Variants in ITGA9 observed in about 807,000 individuals in gnomAD.
The protein encoded by ITGA9 is integrin subunit alpha 9.
In ITGA9, 56 loss-of-function variants were observed where a neutral mutation model predicts 127.8. The ratio of observed to expected loss-of-function variants is 0.44; its 90% CI spans 0.35 to 0.55. The LOEUF (loss-of-function observed/expected upper bound fraction) is 0.55. Ranked by LOEUF, ITGA9 falls within the 20% of genes least tolerant of loss-of-function variation. ITGA9 has a pLI of 0.00. For missense variants in ITGA9, 1,196 were observed against 1,347.1 expected, an observed-to-expected ratio of 0.89 and a Z score of 1.76; for synonymous variants, 508 against 514.5, an observed-to-expected ratio of 0.99 and a Z score of 0.17.
Position 37,822,490 on chromosome 3 carries a change from T to TC in ITGA9, c.*3503dup, listed in dbSNP as rs1202851470. ...TTAGTGGCAACTGACAGGCATCCATTCCGAATAACTCAGCACTGAGGTTTC... is the reference window on the plus strand; with the variant it reads ...TTAGTGGCAACTGACAGGCATCCATTCCCGAATAACTCAGCACTGAGGTTTC... On this transcript the variant is annotated 3_prime_UTR_variant, in exon 28 of 28. Transcript: ENST00000264741. 1 of 152,166 alleles carries TC rather than the reference T, an allele frequency of 6.6e-6. No homozygotes were observed. The highest frequency in any genetic ancestry group is 1.5e-5 in the Non-Finnish European group (1 of 68,030). 9.4% of individuals were successfully genotyped at this position (152,166 alleles called of 1,614,324 possible).
chr3:37,569,957 C>G lies in ITGA9; in HGVS notation c.1689+27372C>G, dbSNP rs187194302. Among the ~76,000 whole-genome samples, 318 of 152,326 alleles carry G rather than the reference C, an allele frequency of 2.1e-3. 1 individual carries two copies. Among genetic ancestry groups the G allele is most frequent in the African/African-American group, 7.3e-3 (302 of 41,564 alleles). ...TATATTTCAATTAAGGGATATGCAACGTGTACTTCTGCAGCTGCCTTGAGA... is the reference window on the plus strand; with the variant it reads ...TATATTTCAATTAAGGGATATGCAAGGTGTACTTCTGCAGCTGCCTTGAGA... On this transcript the variant is annotated intron_variant, in intron 15 of 27. Transcript: ENST00000264741.
At chr3:37,489,323 TG>T (rs1221310979) in intron 4 of ITGA9, among the ~76,000 whole-genome samples, 4 of 152,264 alleles carry the variant, frequency 2.6e-5, no homozygotes, top group African/African-American at 9.6e-5. Flanking sequence ...GATCAGAAGT[TG>T]GGAGCCTTGC....
intron 14 of ITGA9, among the ~76,000 whole-genome samples, chr3:37,533,940 G>A (rs970996743): frequency 4.6e-5 from 7 of 152,212 alleles, no homozygotes; most frequent in African/African-American, 1.4e-4. Context: ...TCGGATGCTG[G>A]TGTTACAGAG....
chr3:37,638,592 C>A (rs1410076988), intron 16 of ITGA9, among the ~76,000 whole-genome samples: 1 of 152,146 alleles, frequency 6.6e-6, no homozygotes, highest in Non-Finnish European at 1.5e-5. Context: ...TGACACAGAG[C>A]ATCTCACCTC....
rs1697514797 is a variant in ITGA9 at position 37,821,545 on chromosome 3, AC to A, written c.*2557del. ...AGGATTCTTAGGTGATATTTCTGGA[AC>A]AGCACCATCAACAGCTTTGGCCACA... is the stretch of plus-strand genomic sequence containing the variant. On this transcript the variant is annotated 3_prime_UTR_variant, in exon 28 of 28. Coordinates refer to ENST00000264741, the MANE Select transcript of ITGA9 (RefSeq NM_002207.3). The A allele has an allele frequency of 6.6e-6, 1 of 152,160 alleles. No homozygotes were observed. Among genetic ancestry groups the A allele is most frequent in the African/African-American group, 2.4e-5 (1 of 41,434 alleles). 9.4% of individuals were successfully genotyped at this position (152,160 alleles called of 1,614,324 possible). A position where few individuals can be genotyped will look rare whatever the true frequency, so the allele number is the denominator to read the frequency against.
chr3:37,513,398 A>G lies in ITGA9; in HGVS notation c.898-365A>G, dbSNP rs144743133. On this transcript the variant is annotated intron_variant, in intron 8 of 27. Transcript: ENST00000264741. ...GGCATTCTGGTTTAGGGGGCAGCAT[A>G]GCCATCCAGCCTCTGAGGGATGTTT... Among the ~76,000 whole-genome samples the G allele has an allele frequency of 2.9e-3, 449 of 152,286 alleles. 1 individual carries two copies. Among genetic ancestry groups the G allele is most frequent in the African/African-American group, 9.8e-3 (409 of 41,566 alleles).
At chr3:37,545,334 AT>A (rs1008625700) in intron 15 of ITGA9, among the ~76,000 whole-genome samples, 8 of 151,780 alleles carry the variant, frequency 5.3e-5, no homozygotes, top group Non-Finnish European at 8.8e-5. Flanking sequence ...ATCTTTAGGT[AT>A]TTTTTTCTTT....
At chr3:37,774,402 A>G (rs1010777380) in intron 23 of ITGA9, among the ~76,000 whole-genome samples, 1 of 152,118 alleles carries the variant, frequency 6.6e-6, no homozygotes, top group African/African-American at 2.4e-5. Context: ...TCGTTCAAAT[A>G]AAGTAATTGA....
chr3:37,517,714 C>T (rs1242136004), intron 10 of ITGA9, 105 bp downstream of exon 10: 4 of 818,278 alleles, frequency 4.9e-6, no homozygotes, highest in Non-Finnish European at 8.2e-6. Context: ...TGGCATGCTC[C>T]TGGGTCTACT....
At position 37,783,284 on chromosome 3, in the gene ITGA9, T is replaced by C. The variant is rs72860999; in HGVS notation, c.2788-1693T>C. On this transcript the variant is annotated intron_variant, in intron 25 of 27. Transcript: ENST00000264741. ...GCTTGGCCTGTAACGTTGGCAATTA[T>C]CATCATCATTATCGTTATTAATATC... Among the ~76,000 whole-genome samples, 1,242 of 152,316 alleles carry C rather than the reference T, an allele frequency of 8.2e-3. 21 individuals are homozygous for C. The highest frequency in any genetic ancestry group is 0.028 in the African/African-American group (1,173 of 41,578).
At chr3:37,677,779 A>G (rs1055656824) in intron 17 of ITGA9, among the ~76,000 whole-genome samples, 3 of 152,228 alleles carry the variant, frequency 2.0e-5, no homozygotes, top group South Asian at 2.1e-4. Flanking sequence ...GTCAAATTCC[A>G]TGTCTGATTT....
chr3:37,531,848 A>G (rs1459461048), intron 13 of ITGA9, among the ~76,000 whole-genome samples: 1 of 152,238 alleles, frequency 6.6e-6, no homozygotes, highest in African/African-American at 2.4e-5. Flanking sequence ...TTGGAAATAG[A>G]CAATGACTGT....
chr3:37,484,541 C>A (rs1698589911), intron 4 of ITGA9, among the ~76,000 whole-genome samples: 1 of 152,142 alleles, frequency 6.6e-6, no homozygotes, highest in Non-Finnish European at 1.5e-5. Flanking sequence ...TGGTTAAAGA[C>A]AATGGGAAGA....
intron 15 of ITGA9, among the ~76,000 whole-genome samples, chr3:37,560,113 C>A (rs903204164): frequency 3.9e-5 from 6 of 152,046 alleles, no homozygotes; most frequent in African/African-American, 1.4e-4. Flanking sequence ...CCCGCCACCC[C>A]CCGACAGGCC....
At chr3:37,752,382 T>A (rs1438496294) in intron 23 of ITGA9, among the ~76,000 whole-genome samples, 1 of 152,064 alleles carries the variant, frequency 6.6e-6, no homozygotes, top group East Asian at 1.9e-4. Flanking sequence ...CTGGTGGCAT[T>A]CCCTCCCCAC....
intron 18 of ITGA9, among the ~76,000 whole-genome samples, chr3:37,685,678 CA>C (rs1243693625): frequency 6.6e-6 from 1 of 152,210 alleles, no homozygotes; most frequent in Non-Finnish European, 1.5e-5. Flanking sequence ...AGATTTCTCT[CA>C]CTCAGGACCC....
intron 1 of ITGA9, among the ~76,000 whole-genome samples, chr3:37,461,180 A>G (rs954698205): frequency 5.9e-5 from 9 of 152,040 alleles, no homozygotes; most frequent in African/African-American, 2.2e-4. Flanking sequence ...CCTTCATTGA[A>G]TCCCTGGTTC....
At chr3:37,554,901 T>C (rs2125596519) in intron 15 of ITGA9, among the ~76,000 whole-genome samples, 1 of 152,262 alleles carries the variant, frequency 6.6e-6, no homozygotes, top group Non-Finnish European at 1.5e-5. Context: ...TGTATGCGTA[T>C]GTATGAGTCT....
At chr3:37,652,126 GAA>G (rs199904363) in intron 16 of ITGA9, among the ~76,000 whole-genome samples, 17 of 144,242 alleles carry the variant, frequency 1.2e-4, no homozygotes, top group African/African-American at 1.5e-4. Flanking sequence ...GGTCTTGAAG[GAA>G]AAAAAAAAAA....
Sources: allele counts gnomAD v4.1 joint callset (sites outside exome capture counted in the v4.1 genomes callset), GRCh38; gene constraint gnomAD v4.1.1; transcripts MANE v1.5; gene names NCBI Gene and HGNC (gene_info 2026-07-23, HGNC 2026-07-21).